TMEM67: variants seen among roughly 807,000 people sequenced by gnomAD.
TMEM67 encodes the protein meckelin.
A neutral mutation model predicts 136.6 loss-of-function variants in TMEM67; 124 were observed. The observed-to-expected ratio is 0.91, with a 90% confidence interval of 0.78 to 1.05. TMEM67 has a LOEUF of 1.05. Ranked by LOEUF, TMEM67 falls within the 50% of genes least tolerant of loss-of-function variation. The pLI is 0.00. For synonymous variants in TMEM67, 364 were observed against 390.5 expected (o/e 0.93, Z 0.80); for missense variants, 1,107 against 1,178.4 (o/e 0.94, Z 0.89).
chr8:93,828,101 AAG>A, the TMEM67 span, among the ~76,000 whole-genome samples: 1 of 152,108 alleles, frequency 6.6e-6, no homozygotes, highest in African/African-American at 2.4e-5. Flanking sequence ...TGTTATTGGG[AAG>A]GACAAAGCCC....
chr8:93,831,080 C>T, the TMEM67 span, among the ~76,000 whole-genome samples: 135 of 152,310 alleles, frequency 8.9e-4, no homozygotes, highest in Admixed American at 2.6e-3. Context: ...CTCACATGTT[C>T]GGTGCTCCCA....
rs543384542 is a variant in TMEM67 at position 93,763,109 on chromosome 8, T to C, written c.407-733T>C. 2.5e-3 allele frequency: 622 copies of C among 251,164 alleles called. 8 individuals carry two copies. The highest frequency in any genetic ancestry group is 0.015 in the African/African-American group (598 of 40,818). The allele number at this position is 251,164 out of a possible 1,614,324, so 15.6% of individuals were successfully genotyped here. A position where few individuals can be genotyped will look rare whatever the true frequency, so the allele number is the denominator to read the frequency against. On this transcript the variant is annotated intron_variant, in intron 3 of 27. Transcript: ENST00000453321. Reference sequence around the variant, plus strand: ...AGCTAATTTTGTATTTTTTTTTTTTTAGTAGAGACAAGGTTTTGCCATATT... The same window carrying C: ...AGCTAATTTTGTATTTTTTTTTTTTCAGTAGAGACAAGGTTTTGCCATATT...
rs772921754 is a variant in TMEM67 at position 93,787,858 on chromosome 8, C to T, written c.1427C>T (p.Pro476Leu). ...TQISLSVHLV[P>L]NTINGNIYPP... ...CTTTTAAATAGTGTCCACCTTGTAC[C>T]CAACACAATAAATGGAAACATCTAC... The change falls in exon 14 of 28, where the codon CCC becomes CTC. Residue 476 changes from proline (P) to leucine (L), a missense_variant. Pro to Leu is a moderately conservative substitution (Grantham distance 98). Transcript: ENST00000453321. The T allele has an allele frequency of 1.2e-6, 2 of 1,613,314 alleles. No homozygotes were observed. The highest frequency in any genetic ancestry group is 1.7e-6 in the Non-Finnish European group (2 of 1,179,424).
At chr8:93,818,997 G>C, downstream of TMEM67, 1 of 426,272 alleles carries the variant, frequency 2.3e-6, no homozygotes, top group Non-Finnish European at 4.6e-6. Context: ...TAGAGACAAG[G>C]GTTCACCATG....
intron 14 of TMEM67, among the ~76,000 whole-genome samples, chr8:93,789,880 G>A (rs1386451024): frequency 6.6e-6 from 1 of 151,378 alleles, no homozygotes; most frequent in Non-Finnish European, 1.5e-5. Flanking sequence ...AGACCAGCCT[G>A]GCCAACACGG....
intron 16 of TMEM67, among the ~76,000 whole-genome samples, chr8:93,793,900 TG>T (rs1814495872): frequency 6.6e-6 from 1 of 152,166 alleles, no homozygotes; most frequent in Admixed American, 6.5e-5. Flanking sequence ...TTTTTGTTGT[TG>T]TTTTTTTGAG....
intron 14 of TMEM67, among the ~76,000 whole-genome samples, chr8:93,789,790 G>A (rs552735438): frequency 2.6e-5 from 4 of 151,422 alleles, no homozygotes; most frequent in Admixed American, 1.3e-4. Flanking sequence ...AGTTAAGTCC[G>A]CTGGTCGTAG....
At chr8:93,821,399 A>G (rs1368668449), downstream of TMEM67, among the ~76,000 whole-genome samples, 2 of 152,130 alleles carry the variant, frequency 1.3e-5, no homozygotes, top group Admixed American at 1.3e-4. Context: ...CTCCCACCTC[A>G]GCCTCCAGAG....
intron 26 of TMEM67, among the ~76,000 whole-genome samples, chr8:93,813,725 C>A (rs1808789817): frequency 6.6e-6 from 1 of 151,988 alleles, no homozygotes; most frequent in South Asian, 2.1e-4. Flanking sequence ...TCTTGAGGTA[C>A]TTCAGGACAT....
chr8:93,804,704 A>AT (rs1815050413), intron 22 of TMEM67, 58 bp from the exon 23 acceptor site: 8 of 981,026 alleles, frequency 8.2e-6, no homozygotes, highest in Admixed American at 5.8e-5. Context: ...GGAAAACTTA[A>AT]TTTTTTATTG....
Position 93,809,163 on chromosome 8 carries a change from T to C in TMEM67, c.2661+2T>C. ...TTTCTTGGCTCCTTCATTGACCATG[T>C]ATGTATGTCAACATTTATATTTAAG... is the stretch of plus-strand genomic sequence containing the variant. On this transcript the variant is annotated splice_donor_variant, in intron 25 of 27. Coordinates refer to ENST00000453321, the MANE Select transcript of TMEM67 (RefSeq NM_153704.6). LOFTEE classifies it high-confidence loss of function. 1.4e-6 allele frequency: 2 copies of C among 1,457,444 alleles called. No homozygotes were observed. The highest frequency in any genetic ancestry group is 1.9e-6 in the Non-Finnish European group (2 of 1,038,438). 90.3% of individuals were successfully genotyped at this position (1,457,444 alleles called of 1,614,324 possible). A position where few individuals can be genotyped will look rare whatever the true frequency, so the allele number is the denominator to read the frequency against.
chr8:93,829,380 CTCTGTGTGTG>C, the TMEM67 span, among the ~76,000 whole-genome samples: 2 of 150,262 alleles, frequency 1.3e-5, no homozygotes, highest in South Asian at 2.1e-4. Context: ...CTCTCTCTCT[CTCTGTGTGTG>C]TGTGTGTGTG....
intron 16 of TMEM67, 100 bp downstream of exon 16, chr8:93,793,396 A>C (rs548561503): frequency 9.9e-7 from 1 of 1,010,200 alleles, no homozygotes; most frequent in South Asian, 1.3e-5. Flanking sequence ...AGTTGCATTG[A>C]ATTTTTCTGG....
intron 20 of TMEM67, 40 bp downstream of exon 20, chr8:93,797,510 A>T: frequency 6.3e-7 from 1 of 1,578,548 alleles, no homozygotes; most frequent in Non-Finnish European, 8.7e-7. Flanking sequence ...ACTTACATGT[A>T]CCTTATAAAT....
In TMEM67 at chr8:93,781,632, T is replaced by C; in HGVS notation, c.979-26T>C. On this transcript the variant is annotated intron_variant, in intron 9 of 27. Transcript: ENST00000453321. ...TGTATTACTTTCAGAGTATTTGACC[T>C]GATTTTGCTCGTTTTCTTTAATCAG... 4 of 1,204,124 alleles carry C rather than the reference T, an allele frequency of 3.3e-6. No homozygotes were observed. The South Asian group carries it at 3.9e-5, about 12-fold the overall frequency. The allele number at this position is 1,204,124 out of a possible 1,614,324, so 74.6% of individuals were successfully genotyped here. A position where few individuals can be genotyped will look rare whatever the true frequency, so the allele number is the denominator to read the frequency against.
At chr8:93,757,073 C>CT (rs1812602452) in intron 2 of TMEM67, 1 of 137,632 alleles carries the variant, frequency 7.3e-6, no homozygotes, top group Non-Finnish European at 1.5e-5. Flanking sequence ...GACTCTGTCT[C>CT]AAAAAAATAA....
At chr8:93,766,055 A>T (rs540270929) in intron 6 of TMEM67, among the ~76,000 whole-genome samples, 6 of 152,112 alleles carry the variant, frequency 3.9e-5, no homozygotes, top group Admixed American at 3.9e-4. Flanking sequence ...CCTTTACCAC[A>T]GTGCCTGTAC....
chr8:93,797,047 G>T, intron 18 of TMEM67, 87 bp from the exon 19 acceptor site: 1 of 792,820 alleles, frequency 1.3e-6, no homozygotes, highest in Non-Finnish European at 2.2e-6. Flanking sequence ...TGTGATAACA[G>T]TATGTTTCTT....
intron 26 of TMEM67, among the ~76,000 whole-genome samples, chr8:93,814,959 G>C (rs1410534927): frequency 6.6e-6 from 1 of 152,120 alleles, no homozygotes; most frequent in Non-Finnish European, 1.5e-5. Flanking sequence ...CTGATTTACT[G>C]TATCTTAGGG....
Sources: allele counts gnomAD v4.1 joint callset (sites outside exome capture counted in the v4.1 genomes callset), GRCh38; gene constraint gnomAD v4.1.1; transcripts MANE v1.5; gene names NCBI Gene and HGNC (gene_info 2026-07-23, HGNC 2026-07-21).